Variants in CCDC152 observed in about 807,000 individuals in gnomAD.
CCDC152 encodes coiled-coil domain containing 152, also known as coiled-coil domain-containing protein 152.
In CCDC152, 37 loss-of-function variants were observed where a neutral mutation model predicts 38.1. The observed-to-expected ratio is 0.97, with a 90% CI of 0.75 to 1.28. CCDC152 has a LOEUF of 1.28. CCDC152 is among the 50% of genes most tolerant of loss of function. The probability of loss-of-function intolerance (pLI) is 0.00; values close to 1 mark genes in which losing one functional copy is unlikely to be tolerated. For missense variants in CCDC152, 259 were observed against 292.1 expected (o/e 0.89, Z 0.83); for synonymous variants, 83 against 87.1 (o/e 0.95, Z 0.26).
chr5:42,797,492 C>G (rs3866438), intron 7 of CCDC152, among the ~76,000 whole-genome samples: 39,437 of 152,062 alleles, frequency 0.26, 5,709 homozygotes, highest in Admixed American at 0.38. Context: ...TAAACCAATA[C>G]AGTGAAACTT....
In CCDC152 at chr5:42,800,691, A is replaced by T. The variant is rs908590224; in HGVS notation, c.*910A>T. ...TGGAAATGAAATTGTGTCTAGACTA[A>T]ATTGGGGAGTATGTCCTATTTTAAA... On this transcript the variant is annotated 3_prime_UTR_variant, in exon 9 of 9. Transcript: ENST00000361970. 3 of 1,553,866 alleles carry T rather than the reference A, an allele frequency of 1.9e-6. No individual in the cohort carries two copies. Among genetic ancestry groups the T allele is most frequent in the African/African-American group, 2.8e-5 (2 of 72,704 alleles).
intron 5 of CCDC152, among the ~76,000 whole-genome samples, chr5:42,781,549 G>GTGCA: frequency 1.6e-5 from 1 of 62,492 alleles, no homozygotes; most frequent in Non-Finnish European, 3.5e-5. Context: ...AAAAATGCGC[G>GTGCA]CGCGCGCACA....
At chr5:42,770,051 T>A (rs1419187092) in intron 4 of CCDC152, among the ~76,000 whole-genome samples, 1 of 152,220 alleles carries the variant, frequency 6.6e-6, no homozygotes, top group African/African-American at 2.4e-5. Context: ...CCATTTAATT[T>A]TTTTGTCATA....
At chr5:42,790,942 C>T (rs1759990757) in intron 6 of CCDC152, among the ~76,000 whole-genome samples, 1 of 152,074 alleles carries the variant, frequency 6.6e-6, no homozygotes, top group Admixed American at 6.5e-5. Flanking sequence ...ACTCCACCTA[C>T]TGTACTACAC....
intron 4 of CCDC152, among the ~76,000 whole-genome samples, chr5:42,778,348 G>A (rs1170357679): frequency 6.6e-6 from 1 of 152,070 alleles, no homozygotes; most frequent in Non-Finnish European, 1.5e-5. Context: ...AGATGACCCA[G>A]AGGAAAGACA....
chr5:42,777,392 G>A (rs1027478223), intron 4 of CCDC152, among the ~76,000 whole-genome samples: 13 of 151,934 alleles, frequency 8.6e-5, no homozygotes, highest in Non-Finnish European at 2.9e-5. Flanking sequence ...AACCCAGGAG[G>A]GGGAGGTTGC....
At chr5:42,791,949 T>A (rs1345607110) in intron 6 of CCDC152, among the ~76,000 whole-genome samples, 1 of 152,206 alleles carries the variant, frequency 6.6e-6, no homozygotes, top group African/African-American at 2.4e-5. Context: ...CCCAGCCAAG[T>A]TATGGTGCAT....
intron 1 of CCDC152, among the ~76,000 whole-genome samples, chr5:42,757,724 G>A (rs1228695300): frequency 3.3e-5 from 5 of 152,196 alleles, no homozygotes; most frequent in African/African-American, 1.2e-4. Context: ...GATAGCAAAT[G>A]GAATATTAGT....
In CCDC152 at chr5:42,800,430, A is replaced by G. The variant is rs1338629308; in HGVS notation, c.*649A>G. 1.1e-4 allele frequency: 29 copies of G among 261,392 alleles called. No homozygotes were observed. Among genetic ancestry groups the G allele is most frequent in the Non-Finnish European group, 1.1e-4 (15 of 139,438 alleles). 16.2% of individuals were successfully genotyped at this position (261,392 alleles called of 1,614,324 possible). On this transcript the variant is annotated 3_prime_UTR_variant, in exon 9 of 9. Transcript: ENST00000361970. ...TATCCAACAGAAACCCCTAGGTCAT[A>G]GTTTACGTTTCTATTCTCATTAAAG...
intron 5 of CCDC152, among the ~76,000 whole-genome samples, chr5:42,781,966 T>G (rs1166544013): frequency 6.6e-6 from 1 of 152,194 alleles, no homozygotes; most frequent in East Asian, 1.9e-4. Context: ...AAAATTTATC[T>G]TCACAATTGT....
intron 4 of CCDC152, among the ~76,000 whole-genome samples, chr5:42,778,515 C>A (rs577375189): frequency 6.8e-4 from 104 of 152,226 alleles, no homozygotes; most frequent in African/African-American, 2.5e-3. Flanking sequence ...TCAAAATTAA[C>A]CACAGGGTTT....
intron 4 of CCDC152, among the ~76,000 whole-genome samples, chr5:42,777,377 G>T (rs913474822): frequency 1.3e-5 from 2 of 151,764 alleles, no homozygotes; most frequent in South Asian, 4.2e-4. Flanking sequence ...CAGGAAAATA[G>T]CTTGAACCCA....
chr5:42,779,667 C>A, intron 5 of CCDC152, 145 bp downstream of exon 5: 1 of 431,152 alleles, frequency 2.3e-6, no homozygotes, highest in Non-Finnish European at 4.2e-6. Context: ...GTATATATGC[C>A]AAAATCTTTA....
chr5:42,763,225 A>G (rs957273831), intron 3 of CCDC152, among the ~76,000 whole-genome samples: 6 of 152,236 alleles, frequency 3.9e-5, no homozygotes, highest in Admixed American at 2.6e-4. Context: ...TGAAAGTGAG[A>G]CAAAAGCCAA....
At chr5:42,768,216 G>A (rs980082543) in intron 3 of CCDC152, among the ~76,000 whole-genome samples, 1 of 152,058 alleles carries the variant, frequency 6.6e-6, no homozygotes, top group African/African-American at 2.4e-5. Flanking sequence ...TCATTCAGTC[G>A]ACAAAACATA....
intron 7 of CCDC152, among the ~76,000 whole-genome samples, chr5:42,798,608 C>A (rs914659573): frequency 1.3e-5 from 2 of 152,148 alleles, no homozygotes; most frequent in African/African-American, 4.8e-5. Flanking sequence ...GCCATTTGGG[C>A]CTTATCACTG....
chr5:42,792,763 G>A (rs1247226460), intron 6 of CCDC152, among the ~76,000 whole-genome samples: 1 of 152,152 alleles, frequency 6.6e-6, no homozygotes, highest in Non-Finnish European at 1.5e-5. Flanking sequence ...GCCCACAGTA[G>A]TATTCCTTCC....
chr5:42,769,556 A>G, intron 3 of CCDC152, 41 bp from the exon 4 acceptor site: 1 of 1,428,804 alleles, frequency 7.0e-7, no homozygotes, highest in Non-Finnish European at 9.2e-7. Flanking sequence ...TCCAAAATGA[A>G]AGCAAGGGAT....
intron 7 of CCDC152, among the ~76,000 whole-genome samples, chr5:42,797,478 C>T (rs1760090576): frequency 6.6e-6 from 1 of 152,136 alleles, no homozygotes; most frequent in Non-Finnish European, 1.5e-5. Flanking sequence ...ATCTAATTGG[C>T]TATTAAACCA....
Sources: allele counts gnomAD v4.1 joint callset (sites outside exome capture counted in the v4.1 genomes callset), GRCh38; gene constraint gnomAD v4.1.1; transcripts MANE v1.5; gene names NCBI Gene and HGNC (gene_info 2026-07-23, HGNC 2026-07-21).